DENND2B: variants seen among roughly 807,000 people sequenced by gnomAD.
DENND2B encodes DENN domain containing 2B, also known as DENN domain-containing protein 2B.
A neutral mutation model predicts 116.0 loss-of-function variants in DENND2B; 32 were observed. The ratio of observed to expected loss-of-function variants is 0.28; its 90% CI spans 0.21 to 0.37. The LOEUF is 0.37. Ranked by LOEUF, DENND2B falls within the 10% of genes least tolerant of loss-of-function variation. The pLI, the probability that DENND2B is intolerant of heterozygous loss-of-function variation, is 1.00. For synonymous variants in DENND2B, 588 were observed against 583.9 expected, an observed-to-expected ratio of 1.01 and a Z score of -0.10; for missense variants, 1,276 against 1,477.7, an observed-to-expected ratio of 0.86 and a Z score of 2.24.
chr11:8,772,981 T>G (rs940956886), intron 1 of DENND2B, among the ~76,000 whole-genome samples: 1 of 152,216 alleles, frequency 6.6e-6, no homozygotes, highest in African/African-American at 2.4e-5. Flanking sequence ...CTCTTCTCAT[T>G]TCTGCCCCGC....
chr11:8,729,461 C>T (rs1401005392), intron 3 of DENND2B, among the ~76,000 whole-genome samples: 2 of 152,166 alleles, frequency 1.3e-5, no homozygotes, highest in African/African-American at 4.8e-5. Flanking sequence ...AGGAGGCCTT[C>T]AGGAGAGAAG....
intron 4 of DENND2B, among the ~76,000 whole-genome samples, chr11:8,832,365 T>C (rs145050737): frequency 8.9e-4 from 135 of 151,374 alleles, no homozygotes; most frequent in African/African-American, 3.0e-3. Context: ...GGCAGGAGAA[T>C]TGCTTGGACC....
intron 19 of DENND2B, among the ~76,000 whole-genome samples, chr11:8,695,180 T>C (rs759045917): frequency 1.3e-5 from 2 of 152,220 alleles, no homozygotes; most frequent in Non-Finnish European, 2.9e-5. Flanking sequence ...TATATGCAAA[T>C]ACTATGCCAT....
At chr11:8,813,609 CTTG>C (rs1489616011), upstream of DENND2B, among the ~76,000 whole-genome samples, 2 of 152,162 alleles carry the variant, frequency 1.3e-5, no homozygotes, top group Non-Finnish European at 2.9e-5. Context: ...TCAGTTAACA[CTTG>C]TTGAGCACCT....
rs756562886 is a variant in DENND2B at position 8,699,290 on chromosome 11, C to T, written c.2821G>A (p.Val941Ile). 6 of 1,603,968 alleles carry T rather than the reference C, an allele frequency of 3.7e-6. No individual in the cohort carries two copies. The highest frequency in any genetic ancestry group is 4.5e-5 in the East Asian group (2 of 44,750). The change falls in exon 15 of 20, where the codon GTC becomes ATC. Residue 941 changes from valine (V) to isoleucine (I), a missense_variant. Around this residue, in one of 2 missense-constraint regions of DENND2B, gnomAD observed 420 missense variants for 631.1 expected, o/e 0.67. Transcript: ENST00000313726. ...ACCAGGAAGGGGGTGGGACAGCAGACGATGTCAATCATGGAGGCCGGGAGG... is the reference window on the plus strand; with the variant it reads ...ACCAGGAAGGGGGTGGGACAGCAGATGATGTCAATCATGGAGGCCGGGAGG... Reference protein sequence around the residue: ...PVLPASMIDIVCCPTPFLVGL... With the variant: ...PVLPASMIDIICCPTPFLVGL...
chr11:8,718,665 AG>A, intron 4 of DENND2B: 4 of 1,251,546 alleles, frequency 3.2e-6, no homozygotes, highest in Non-Finnish European at 4.0e-6. Flanking sequence ...AAGGCTTGGA[AG>A]GAGTCTGGGC....
At chr11:8,728,239 A>G (rs1336616866) in intron 3 of DENND2B, among the ~76,000 whole-genome samples, 2 of 152,128 alleles carry the variant, frequency 1.3e-5, no homozygotes, top group African/African-American at 4.8e-5. Context: ...CTGGTCTTAA[A>G]TGATCCTCCC....
intron 1 of DENND2B, among the ~76,000 whole-genome samples, chr11:8,790,587 G>A (rs895973335): frequency 3.9e-5 from 6 of 152,004 alleles, no homozygotes; most frequent in Admixed American, 1.3e-4. Flanking sequence ...TCGGCAACAC[G>A]GCAAGGCCCC....
chr11:8,779,613 A>C (rs1454574837), intron 1 of DENND2B, among the ~76,000 whole-genome samples: 1 of 150,052 alleles, frequency 6.7e-6, no homozygotes. Flanking sequence ...TCCCGGGTTC[A>C]AGTGATTTTC....
intron 4 of DENND2B, among the ~76,000 whole-genome samples, chr11:8,835,933 G>T (rs1052936984): frequency 1.3e-5 from 2 of 151,648 alleles, no homozygotes; most frequent in African/African-American, 4.8e-5. Flanking sequence ...TCTATCTAAA[G>T]AAAATAAACT....
At chr11:8,747,499 A>G (rs2051476841) in intron 2 of DENND2B, among the ~76,000 whole-genome samples, 1 of 152,104 alleles carries the variant, frequency 6.6e-6, no homozygotes, top group African/African-American at 2.4e-5. Context: ...CTTTTTTGCA[A>G]GTTACCAACC....
intron 1 of DENND2B, among the ~76,000 whole-genome samples, chr11:8,759,943 A>G (rs946150424): frequency 2.6e-5 from 4 of 152,168 alleles, no homozygotes; most frequent in African/African-American, 9.7e-5. Flanking sequence ...CCTTCTCCGC[A>G]TGGGACTTCA....
At chr11:8,833,233 A>G (rs2062287140) in intron 4 of DENND2B, among the ~76,000 whole-genome samples, 1 of 152,172 alleles carries the variant, frequency 6.6e-6, no homozygotes, top group Non-Finnish European at 1.5e-5. Flanking sequence ...GCTTCCTCCA[A>G]ATTATGACCC....
intron 3 of DENND2B, among the ~76,000 whole-genome samples, chr11:8,845,962 G>C (rs7937298): frequency 0.33 from 50,546 of 152,036 alleles, 9,987 homozygotes; most frequent in Non-Finnish European, 0.43. Context: ...TTTCTCTTCA[G>C]GACTGAATCA....
intron 13 of DENND2B, 92 bp downstream of exon 13, chr11:8,706,993 T>C (rs2042717538): frequency 1.3e-6 from 2 of 1,499,228 alleles, no homozygotes; most frequent in Middle Eastern, 1.9e-4. Flanking sequence ...GGGACCGTGC[T>C]CTGCAACCCC....
intron 1 of DENND2B, among the ~76,000 whole-genome samples, chr11:8,795,922 G>GT (rs2059774510): frequency 6.6e-6 from 1 of 152,170 alleles, no homozygotes; most frequent in Non-Finnish European, 1.5e-5. Flanking sequence ...ACAACACCCT[G>GT]TAAAGGAACC....
intron 4 of DENND2B, among the ~76,000 whole-genome samples, chr11:8,819,483 G>A (rs1361712929): frequency 6.6e-6 from 1 of 152,136 alleles, no homozygotes; most frequent in Non-Finnish European, 1.5e-5. Flanking sequence ...TACAAAGGTA[G>A]AAATAACCTC....
chr11:8,798,467 C>G (rs544054538), intron 1 of DENND2B, among the ~76,000 whole-genome samples: 15 of 152,268 alleles, frequency 9.9e-5, no homozygotes, highest in South Asian at 2.1e-4. Flanking sequence ...CCCAACCCCC[C>G]CAATGACAAA....
At chr11:8,751,210 T>TCCAC in intron 1 of DENND2B, among the ~76,000 whole-genome samples, 1 of 152,198 alleles carries the variant, frequency 6.6e-6, no homozygotes, top group Non-Finnish European at 1.5e-5. Context: ...AGGCTGTATC[T>TCCAC]AGCTAATCTA....
Sources: gnomAD v4.1 joint callset for allele counts (sites outside exome capture counted in the v4.1 genomes callset) on GRCh38, gnomAD v4.1.1 for gene constraint, gnomAD v4.1.1 regional missense constraint, MANE v1.5 for transcripts, NCBI Gene and HGNC (gene_info 2026-07-23, HGNC 2026-07-21) for gene names.